PDE8B: variants seen among roughly 807,000 people sequenced by gnomAD.
PDE8B encodes the protein phosphodiesterase 8B, also known as high affinity cAMP-specific and IBMX-insensitive 3',5'-cyclic phosphodiesterase 8B.
PDE8B carries 26 observed loss-of-function variants against 101.3 expected under a neutral mutation model. The ratio of observed to expected loss-of-function variants is 0.26; its 90% CI spans 0.19 to 0.36. The LOEUF (loss-of-function observed/expected upper bound fraction) is 0.36, where lower values mean the gene tolerates loss of function less well. Among genes scored for constraint, PDE8B ranks in the 10% least tolerant of loss-of-function variants. PDE8B has a pLI of 1.00. For missense variants in PDE8B, 810 were observed against 1,163.1 expected (o/e 0.70, Z 4.42); for synonymous variants, 424 against 429.3 (o/e 0.99, Z 0.15).
the PDE8B span, among the ~76,000 whole-genome samples, chr5:77,120,540 A>G: frequency 6.6e-6 from 1 of 152,262 alleles, no homozygotes; most frequent in African/African-American, 2.4e-5. Flanking sequence ...AAAATAGATT[A>G]GTAGATGGAT....
chr5:77,159,138 T>G, the PDE8B span, among the ~76,000 whole-genome samples: 1 of 152,170 alleles, frequency 6.6e-6, no homozygotes, highest in African/African-American at 2.4e-5. Context: ...ATAACCCAGC[T>G]GGCCAATCAG....
At chr5:77,168,062 C>T in the PDE8B span, among the ~76,000 whole-genome samples, 1 of 152,152 alleles carries the variant, frequency 6.6e-6, no homozygotes, top group Non-Finnish European at 1.5e-5. Context: ...ATCTAATTTT[C>T]CATTGTATTT....
At chr5:77,409,162 T>C in intron 14 of PDE8B, 105 bp downstream of exon 14, 1 of 903,402 alleles carries the variant, frequency 1.1e-6, no homozygotes, top group African/African-American at 1.6e-5. Flanking sequence ...ACCTGTTATA[T>C]AGACTAACGT....
intron 19 of PDE8B, among the ~76,000 whole-genome samples, 184 bp from the exon 20 acceptor site, chr5:77,421,637 A>G (rs1162740660): frequency 6.6e-6 from 1 of 152,120 alleles, no homozygotes; most frequent in African/African-American, 2.4e-5. Context: ...CTGTATCAGT[A>G]TATTCTTTTT....
the PDE8B span, among the ~76,000 whole-genome samples, chr5:77,091,714 T>A: frequency 6.6e-6 from 1 of 152,204 alleles, no homozygotes; most frequent in African/African-American, 2.4e-5. Context: ...GTTAAAGTCA[T>A]CTCTAATTCA....
chr5:77,342,318 C>T lies in PDE8B; in HGVS notation c.798-2535C>T, dbSNP rs565484047. ...GATCTTTACAAAAACCTGTGAAATA[C>T]GTATTATTATCCTCATTTTATGGAT... On this transcript the variant is annotated intron_variant, in intron 6 of 21. Transcript: ENST00000264917. Among the ~76,000 whole-genome samples, 350 of 152,140 alleles carry T rather than the reference C, an allele frequency of 2.3e-3. 2 individuals carry two copies. Among genetic ancestry groups the T allele is most frequent in the African/African-American group, 8.1e-3 (337 of 41,490 alleles).
At chr5:77,186,380 G>A in the PDE8B span, among the ~76,000 whole-genome samples, 6 of 152,298 alleles carry the variant, frequency 3.9e-5, no homozygotes, top group South Asian at 1.2e-3. Flanking sequence ...TTAAGACAAT[G>A]AGAATTGGCA....
At chr5:77,285,418 A>C (rs1765803471) in intron 1 of PDE8B, among the ~76,000 whole-genome samples, 1 of 152,166 alleles carries the variant, frequency 6.6e-6, no homozygotes, top group Non-Finnish European at 1.5e-5. Context: ...GAAATGTCTT[A>C]ACTTGAAAGC....
chr5:77,421,930 G>A lies in PDE8B; in HGVS notation c.2360G>A (p.Arg787His), dbSNP rs763895280. The A allele has an allele frequency of 6.2e-7, 1 of 1,614,114 alleles. No individual in the cohort carries two copies. The highest frequency in any genetic ancestry group is 8.5e-7 in the Non-Finnish European group (1 of 1,179,998). Residue 787 changes from arginine to histidine, a missense_variant, in exon 20 of 22, where the codon CGC becomes CAC. By Grantham distance (29) the Arg-to-His change is conservative. Around this residue, in one of 4 missense-constraint regions of PDE8B, gnomAD observed 325 missense variants for 560.9 expected, o/e 0.58. Coordinates refer to ENST00000264917, the MANE Select transcript of PDE8B (RefSeq NM_003719.5). ...TGTGCTGACGTGGCCAACCCATGCC[G>A]CCCCTTGGACCTGTGCATTGAATGG... ...IKCADVANPC[R>H]PLDLCIEWAG...
chr5:77,211,155 G>A lies in PDE8B; in HGVS notation c.230G>A (p.Gly77Asp). ...AGGGCCCGCACCGAGCTGGGCAGCGGTAGCAGCGCGGGTTCCGCAGCCCCC... is the reference window on the plus strand; with the variant it reads ...AGGGCCCGCACCGAGCTGGGCAGCGATAGCAGCGCGGGTTCCGCAGCCCCC... ...VRRARTELGSGSSAGSAAPAA... is the reference protein window; with the variant it reads ...VRRARTELGSDSSAGSAAPAA... The change falls in exon 1 of 22, where the codon GGT becomes GAT. Residue 77 changes from glycine to aspartate, a missense_variant. Gly to Asp is a moderately conservative substitution (Grantham distance 94, BLOSUM62 -1). Coordinates refer to ENST00000264917, the MANE Select transcript of PDE8B (RefSeq NM_003719.5). The surrounding 1 kb of genome is among the most constrained non-coding windows in gnomAD (Gnocchi z 4.1). The A allele has an allele frequency of 6.5e-7, 1 of 1,531,046 alleles. No individual in the cohort carries two copies. Among genetic ancestry groups the A allele is most frequent in the Non-Finnish European group, 8.7e-7 (1 of 1,145,404 alleles). The allele number at this position is 1,531,046 out of a possible 1,614,324, so 94.8% of individuals were successfully genotyped here.
At chr5:77,300,875 T>G (rs1203912940) in intron 1 of PDE8B, among the ~76,000 whole-genome samples, 2 of 152,268 alleles carry the variant, frequency 1.3e-5, no homozygotes, top group African/African-American at 4.8e-5. Context: ...ATCATGATTG[T>G]TCTTGCCACA....
the PDE8B span, among the ~76,000 whole-genome samples, chr5:77,098,292 T>A: frequency 6.4e-3 from 552 of 85,760 alleles, 8 homozygotes; most frequent in Middle Eastern, 0.049. Flanking sequence ...CTTTTTTTTT[T>A]TAAAAAAAAA....
the PDE8B span, among the ~76,000 whole-genome samples, chr5:77,190,929 A>T: frequency 6.6e-6 from 1 of 152,224 alleles, no homozygotes; most frequent in Non-Finnish European, 1.5e-5. Context: ...CCATAACAAA[A>T]TACCACACAC....
Position 77,366,309 on chromosome 5 carries a change from G to A in PDE8B, c.1167+12903G>A, listed in dbSNP as rs117684359. Among the ~76,000 whole-genome samples the A allele has an allele frequency of 2.0e-5, 3 of 152,262 alleles. No homozygotes were observed. In the East Asian group the frequency reaches 5.8e-4, roughly 29 times the overall value. ...CCAAAACTCCAAGTCTTGTTTCTCT[G>A]CCTGTCACTACTGGGCTCTCAGGAG... is the stretch of plus-strand genomic sequence containing the variant. On this transcript the variant is annotated intron_variant, in intron 10 of 21. Coordinates refer to ENST00000264917, the MANE Select transcript of PDE8B (RefSeq NM_003719.5).
chr5:77,217,151 CCT>C (rs1190232024), intron 1 of PDE8B, among the ~76,000 whole-genome samples: 1 of 151,982 alleles, frequency 6.6e-6, no homozygotes, highest in Non-Finnish European at 1.5e-5. Flanking sequence ...CATTCTGTCC[CCT>C]GACTGCTGAT....
intron 11 of PDE8B, among the ~76,000 whole-genome samples, chr5:77,404,304 T>A (rs542309554): frequency 6.6e-6 from 1 of 152,126 alleles, no homozygotes; most frequent in African/African-American, 2.4e-5. Flanking sequence ...TGTATTTTTT[T>A]AGTAGAGACA....
chr5:77,148,429 G>A, the PDE8B span: 1 of 152,150 alleles, frequency 6.6e-6, no homozygotes, highest in Non-Finnish European at 1.5e-5. Flanking sequence ...GTAAATGTAT[G>A]TTTAACTTTT....
intron 6 of PDE8B, among the ~76,000 whole-genome samples, chr5:77,340,600 AGTGTGTGTGT>A (rs34764404): frequency 8.6e-5 from 12 of 140,168 alleles, no homozygotes; most frequent in East Asian, 4.3e-4. Context: ...GCAGCCTCAC[AGTGTGTGTGT>A]GTGTGTGTGT....
chr5:77,299,241 T>TG (rs1769315778), intron 1 of PDE8B, among the ~76,000 whole-genome samples: 6 of 134,222 alleles, frequency 4.5e-5, no homozygotes, highest in Admixed American at 7.4e-5. Context: ...GAGAGTTGTT[T>TG]TTTTGTTTGT....
Sources: allele counts gnomAD v4.1 joint callset (sites outside exome capture counted in the v4.1 genomes callset), GRCh38; gene constraint gnomAD v4.1.1; regional missense constraint gnomAD v4.1.1; non-coding constraint Gnocchi (gnomAD v3.1); transcripts MANE v1.5; gene names NCBI Gene and HGNC (gene_info 2026-07-23, HGNC 2026-07-21).